The following SETDB2 variants were observed in gnomAD, a reference collection of about 807,000 sequenced individuals.
SETDB2 encodes the protein histone-lysine N-methyltransferase SETDB2.
Under a neutral mutation model 82.5 loss-of-function variants are expected in SETDB2, and 56 were observed. The ratio of observed to expected loss-of-function variants is 0.68; its 90% CI spans 0.55 to 0.85. The LOEUF (loss-of-function observed/expected upper bound fraction) is 0.85, where lower values mean the gene tolerates loss of function less well. Among genes scored for constraint, SETDB2 ranks in the 40% least tolerant of loss-of-function variants. The probability of loss-of-function intolerance (pLI) is 0.00; values close to 1 mark genes in which losing one functional copy is unlikely to be tolerated. For synonymous variants in SETDB2, 272 were observed against 284.9 expected (o/e 0.95, Z 0.46); for missense variants, 677 against 816.4 (o/e 0.83, Z 2.08).
chr13:49,456,566 G>T (rs73491240), intron 2 of SETDB2, among the ~76,000 whole-genome samples: 4,188 of 152,158 alleles, frequency 0.028, 201 homozygotes, highest in African/African-American at 0.097. Flanking sequence ...TTCAATTCAG[G>T]TACCTGCTCC....
At chr13:49,468,826 G>A (rs1246723022) in intron 5 of SETDB2, among the ~76,000 whole-genome samples, 1 of 151,866 alleles carries the variant, frequency 6.6e-6, no homozygotes, top group Non-Finnish European at 1.5e-5. Flanking sequence ...AGAAAGCTAA[G>A]TTCACACTTT....
intron 8 of SETDB2, chr13:49,482,302 A>G: frequency 1.0e-6 from 1 of 985,458 alleles, no homozygotes. Context: ...TGCAGAACTT[A>G]ATATGACAAC....
At chr13:49,450,671 T>G (rs1957767923) in intron 1 of SETDB2, among the ~76,000 whole-genome samples, 1 of 152,126 alleles carries the variant, frequency 6.6e-6, no homozygotes, top group African/African-American at 2.4e-5. Flanking sequence ...GTTCCCTTTT[T>G]GTTTTCAGCA....
At chr13:49,485,924 G>A in intron 11 of SETDB2, 4 of 679,270 alleles carry the variant, frequency 5.9e-6, no homozygotes, top group South Asian at 1.6e-5. Flanking sequence ...TATGGCATGT[G>A]AGCTAAGAAT....
intron 8 of SETDB2, chr13:49,482,103 C>T (rs1298115677): frequency 2.0e-6 from 2 of 985,274 alleles, no homozygotes; most frequent in Non-Finnish European, 2.4e-6. Flanking sequence ...ATGAAAGCTA[C>T]CTGTAAAATG....
intron 8 of SETDB2, chr13:49,482,203 A>G (rs1215189944): frequency 1.0e-6 from 1 of 985,334 alleles, no homozygotes; most frequent in African/African-American, 1.7e-5. Flanking sequence ...ATGGGTAAGA[A>G]TATCCTGCTA....
chr13:49,474,711 T>C (rs1451937052), intron 5 of SETDB2, among the ~76,000 whole-genome samples: 1 of 152,222 alleles, frequency 6.6e-6, no homozygotes, highest in Admixed American at 6.5e-5. Context: ...GGCTAGGTAA[T>C]TAAATTGTGG....
At chr13:49,482,346 A>G (rs1470443256) in intron 8 of SETDB2, 1 of 984,128 alleles carries the variant, frequency 1.0e-6, no homozygotes, top group African/African-American at 1.7e-5. Flanking sequence ...TTAAATAGGT[A>G]CTTTTGTTAA....
At chr13:49,489,917 CCTT>C (rs1958676809) in intron 12 of SETDB2, among the ~76,000 whole-genome samples, 2 of 49,108 alleles carry the variant, frequency 4.1e-5, no homozygotes, top group African/African-American at 9.6e-5. Flanking sequence ...GCCCCCCCCC[CCTT>C]TTTTTTTTAC....
rs745636472 is a variant in SETDB2, at chr13:49,483,450, T to C, written c.1383-14T>C. On this transcript the variant is annotated splice_polypyrimidine_tract_variant and intron_variant, in intron 9 of 13. Coordinates refer to ENST00000611815, the MANE Select transcript of SETDB2 (RefSeq NM_001160308.3). ...ATTTTTAGTGATACAGAATAACTTT[T>C]TTTTCCTTTTTAGGGAAACGAAATA... is the stretch of plus-strand genomic sequence containing the variant. 4 of 1,137,468 alleles carry C rather than the reference T, an allele frequency of 3.5e-6. No homozygotes were observed. The South Asian group carries it at 6.2e-5, about 18-fold the overall frequency. 70.5% of individuals were successfully genotyped at this position (1,137,468 alleles called of 1,614,324 possible).
intron 2 of SETDB2, among the ~76,000 whole-genome samples, chr13:49,459,378 T>C (rs1268815465): frequency 6.6e-6 from 1 of 152,248 alleles, no homozygotes; most frequent in Non-Finnish European, 1.5e-5. Flanking sequence ...AATGCAATTA[T>C]TACGATGTCT....
intron 12 of SETDB2, among the ~76,000 whole-genome samples, chr13:49,489,596 C>CTTTTTTTTTT (rs58715452): frequency 6.0e-5 from 6 of 100,562 alleles, no homozygotes; most frequent in Admixed American, 1.4e-4. Flanking sequence ...CATATTTATT[C>CTTTTTTTTTT]TTTTTTTTTT....
In SETDB2 at chr13:49,488,309, T is replaced by C; in HGVS notation, c.1596T>C (p.His532=). 6.3e-7 allele frequency: 1 copy of C among 1,591,626 alleles called. No individual in the cohort carries two copies. Among genetic ancestry groups the C allele is most frequent in the Non-Finnish European group, 8.5e-7 (1 of 1,173,676 alleles). Residue 532 remains histidine (H), a synonymous_variant, in exon 12 of 14, where the codon CAT becomes CAC. Coordinates refer to ENST00000611815, the MANE Select transcript of SETDB2 (RefSeq NM_001160308.3). ...TATTAGAGGACTCAAGTTCAAACCA[T>C]GTTGATGAGTTTGAAGATAATCTGC... ...KGAQKDSSSN[H]VDEFEDNLLI... is the part of the protein sequence containing the mutation.
rs946986137 is a variant in SETDB2 at position 49,451,701 on chromosome 13, T to C, written c.-193T>C. ...GGACTGTCACTCATTTCTGAAAGTT[T>C]CTTCAGCCACAATTTCTATTTGAAA... On this transcript the variant is annotated 5_prime_UTR_variant, in exon 2 of 14. Coordinates refer to ENST00000611815, the MANE Select transcript of SETDB2 (RefSeq NM_001160308.3). 7.4e-6 allele frequency: 3 copies of C among 406,558 alleles called. No homozygotes were observed. The highest frequency in any genetic ancestry group is 6.2e-5 in the African/African-American group (3 of 48,164). The allele number at this position is 406,558 out of a possible 1,614,324, so 25.2% of individuals were successfully genotyped here.
intron 2 of SETDB2, among the ~76,000 whole-genome samples, chr13:49,457,848 A>G (rs1478792198): frequency 6.6e-6 from 1 of 152,178 alleles, no homozygotes; most frequent in Admixed American, 6.5e-5. Context: ...GAATACTTTA[A>G]TGTTACCAAA....
At chr13:49,482,668 TAG>T (rs1156264824) in intron 8 of SETDB2, 67 bp from the exon 9 acceptor site, 1 of 988,682 alleles carries the variant, frequency 1.0e-6, no homozygotes, top group Non-Finnish European at 1.5e-6. Context: ...GGAGTAGAAA[TAG>T]AGATGTCTGT....
At chr13:49,491,369 A>G (rs1231234462) in intron 13 of SETDB2, among the ~76,000 whole-genome samples, 4 of 152,232 alleles carry the variant, frequency 2.6e-5, no homozygotes, top group Admixed American at 1.3e-4. Context: ...GGCTGAAGAT[A>G]TCAGGTATCA....
At chr13:49,488,931 G>A in intron 12 of SETDB2, 1 of 204,150 alleles carries the variant, frequency 4.9e-6, no homozygotes, top group Non-Finnish European at 9.9e-6. Context: ...TGTAAGAAAT[G>A]GTGTATAAGA....
Position 49,481,180 on chromosome 13 carries a change from TC to T in SETDB2, c.1156+66del, listed in dbSNP as rs1268818069. The T allele has an allele frequency of 1.0e-5, 15 of 1,504,156 alleles. No individual in the cohort carries two copies. The East Asian group carries it at 3.4e-4, about 34-fold the overall frequency. 93.2% of individuals were successfully genotyped at this position (1,504,156 alleles called of 1,614,324 possible). A position where few individuals can be genotyped will look rare whatever the true frequency, so the allele number is the denominator to read the frequency against. On this transcript the variant is annotated intron_variant, in intron 8 of 13. Coordinates refer to ENST00000611815, the MANE Select transcript of SETDB2 (RefSeq NM_001160308.3). ...AATCCACTTTTCTAAATATCCATTT[TC>T]CTAGCCAGGGCTGTTGAGAGCTTAC...
Sources: gnomAD v4.1 joint callset for allele counts (sites outside exome capture counted in the v4.1 genomes callset) on GRCh38, gnomAD v4.1.1 for gene constraint, MANE v1.5 for transcripts, NCBI Gene and HGNC (gene_info 2026-07-23, HGNC 2026-07-21) for gene names.